ZNF148: variants seen among roughly 807,000 people sequenced by gnomAD.
The protein encoded by ZNF148 is Beta-Enolase Repressor Factor-1.
A neutral mutation model predicts 67.7 loss-of-function variants in ZNF148; 7 were observed. That is an observed-to-expected ratio of 0.10 (90% confidence interval 0.06 to 0.19). ZNF148 has a LOEUF of 0.19. Ranked by LOEUF, ZNF148 falls within the 10% of genes least tolerant of loss-of-function variation. The probability of loss-of-function intolerance (pLI) is 1.00; values close to 1 mark genes in which losing one functional copy is unlikely to be tolerated. For synonymous variants in ZNF148, 333 were observed against 330.7 expected (o/e 1.01, Z -0.08); for missense variants, 583 against 947.1 (o/e 0.62, Z 5.05).
intron 1 of ZNF148, among the ~76,000 whole-genome samples, 198 bp from the exon 2 acceptor site, chr3:125,331,436 G>T (rs188773476): frequency 2.6e-5 from 4 of 152,164 alleles, no homozygotes; most frequent in Admixed American, 1.3e-4. Flanking sequence ...AATGCTAAAT[G>T]ATATCACAAC....
In ZNF148 at chr3:125,258,931, C is replaced by CA. The variant is rs771695944; in HGVS notation, c.667+18794dup. Among the ~76,000 whole-genome samples, 396 of 151,882 alleles carry CA rather than the reference C, an allele frequency of 2.6e-3. 2 individuals carry two copies. Among genetic ancestry groups the CA allele is most frequent in the Non-Finnish European group, 2.5e-3 (173 of 67,912 alleles). ...TTTGGTTTTGGATTTCTGCCTATTTCAAAAAAATATGTTAATGTAAACTCA... is the reference window on the plus strand; with the variant it reads ...TTTGGTTTTGGATTTCTGCCTATTTCAAAAAAAATATGTTAATGTAAACTCA... On this transcript the variant is annotated intron_variant, in intron 7 of 8. Transcript: ENST00000360647.
chr3:125,287,015 A>G (rs990908507), intron 5 of ZNF148, among the ~76,000 whole-genome samples: 1 of 152,228 alleles, frequency 6.6e-6, no homozygotes, highest in East Asian at 1.9e-4. Context: ...TATTCCCACC[A>G]TAGCTAATTA....
chr3:125,319,299 G>C (rs1470528663), intron 3 of ZNF148, among the ~76,000 whole-genome samples: 1 of 152,024 alleles, frequency 6.6e-6, no homozygotes, highest in Non-Finnish European at 1.5e-5. Flanking sequence ...GTTTTCGGTC[G>C]GGGCTTTTAA....
intron 7 of ZNF148, among the ~76,000 whole-genome samples, chr3:125,243,170 G>A (rs929184817): frequency 5.3e-5 from 8 of 152,152 alleles, no homozygotes; most frequent in Admixed American, 5.2e-4. Flanking sequence ...ATCCTCCGTA[G>A]TGCTTTGAAT....
intron 1 of ZNF148, among the ~76,000 whole-genome samples, chr3:125,370,046 C>T (rs990292012): frequency 2.6e-5 from 4 of 151,834 alleles, no homozygotes; most frequent in Non-Finnish European, 5.9e-5. Flanking sequence ...GTTATTTTTA[C>T]TATCCTAAAA....
At chr3:125,313,756 G>T in intron 3 of ZNF148, 100 bp from the exon 4 acceptor site, 2 of 945,610 alleles carry the variant, frequency 2.1e-6, no homozygotes, top group South Asian at 3.8e-5. Flanking sequence ...CAAATACAAA[G>T]ATTTTATTGA....
chr3:125,346,953 T>C (rs891913246), intron 1 of ZNF148, among the ~76,000 whole-genome samples: 6 of 152,078 alleles, frequency 3.9e-5, no homozygotes, highest in East Asian at 3.8e-4. Flanking sequence ...ATCATATATA[T>C]AGAAAACCCT....
intron 7 of ZNF148, among the ~76,000 whole-genome samples, chr3:125,248,021 C>T (rs1936678446): frequency 3.9e-5 from 6 of 152,204 alleles, no homozygotes; most frequent in Admixed American, 3.9e-4. Flanking sequence ...CGGTACACAA[C>T]TGGTACTAGC....
At chr3:125,247,064 C>G (rs1250550126) in intron 7 of ZNF148, among the ~76,000 whole-genome samples, 1 of 152,156 alleles carries the variant, frequency 6.6e-6, no homozygotes, top group Non-Finnish European at 1.5e-5. Flanking sequence ...AAAGACATGT[C>G]AATGTCAGTT....
intron 3 of ZNF148, among the ~76,000 whole-genome samples, chr3:125,321,851 T>C (rs1454348916): frequency 6.6e-6 from 1 of 152,002 alleles, no homozygotes; most frequent in East Asian, 1.9e-4. Context: ...AAAATTTCCC[T>C]GTATACTATG....
At position 125,375,142 on chromosome 3, in the gene ZNF148, G is replaced by T. The variant is rs1041130013; in HGVS notation, c.-274C>A. On this transcript the variant is annotated 5_prime_UTR_variant, in exon 1 of 9. Coordinates refer to ENST00000360647, the MANE Select transcript of ZNF148 (RefSeq NM_021964.3). ...AGTCGCGCGGTCACCGACTGCAGGC[G>T]GCGGCAGCTCCAACCTTTCTAGGGG... 11 of 151,942 alleles carry T rather than the reference G, an allele frequency of 7.2e-5. No homozygotes were observed. Among genetic ancestry groups the T allele is most frequent in the African/African-American group, 1.5e-4 (6 of 41,360 alleles). The allele number at this position is 151,942 out of a possible 1,614,324, so 9.4% of individuals were successfully genotyped here.
chr3:125,258,160 C>T (rs774264475), intron 7 of ZNF148, among the ~76,000 whole-genome samples: 3 of 151,804 alleles, frequency 2.0e-5, no homozygotes, highest in Non-Finnish European at 4.4e-5. Context: ...CGGTGGCTCA[C>T]GCCTGTAATC....
At chr3:125,235,543 A>C (rs1936045260) in intron 7 of ZNF148, among the ~76,000 whole-genome samples, 5 of 152,122 alleles carry the variant, frequency 3.3e-5, no homozygotes, top group Admixed American at 2.6e-4. Flanking sequence ...CCCAGGTGAA[A>C]GGTATCTTTA....
At chr3:125,337,670 A>T (rs1383743413) in intron 1 of ZNF148, among the ~76,000 whole-genome samples, 1 of 152,222 alleles carries the variant, frequency 6.6e-6, no homozygotes, top group Non-Finnish European at 1.5e-5. Flanking sequence ...CACATGCGAC[A>T]TTTCATTCCA....
intron 1 of ZNF148, among the ~76,000 whole-genome samples, chr3:125,346,807 T>G (rs1941961226): frequency 6.6e-6 from 1 of 152,174 alleles, no homozygotes; most frequent in African/African-American, 2.4e-5. Flanking sequence ...GGGTATTTCT[T>G]TATAGCAGTG....
intron 1 of ZNF148, among the ~76,000 whole-genome samples, chr3:125,353,204 T>C (rs754388706): frequency 1.5e-4 from 23 of 152,164 alleles, no homozygotes; most frequent in Non-Finnish European, 3.2e-4. Flanking sequence ...ATACAAAGTA[T>C]ACATACATAA....
At chr3:125,299,304 A>C (rs1939459783) in intron 4 of ZNF148, among the ~76,000 whole-genome samples, 1 of 152,196 alleles carries the variant, frequency 6.6e-6, no homozygotes, top group African/African-American at 2.4e-5. Context: ...ATTCCAGATG[A>C]AGCAATTAGA....
intron 2 of ZNF148, 110 bp from the exon 3 acceptor site, chr3:125,323,554 T>C (rs1940877647): frequency 2.0e-6 from 1 of 503,648 alleles, no homozygotes. Context: ...TCTTTCTAAA[T>C]ACAGTAAGTT....
intron 7 of ZNF148, among the ~76,000 whole-genome samples, chr3:125,258,719 CTTTTA>C (rs1937209497): frequency 6.6e-6 from 1 of 152,042 alleles, no homozygotes; most frequent in African/African-American, 2.4e-5. Flanking sequence ...TGGTAGTAAA[CTTTTA>C]TTTTAAGTAA....
Sources: gnomAD v4.1 joint callset for allele counts (sites outside exome capture counted in the v4.1 genomes callset) on GRCh38, gnomAD v4.1.1 for gene constraint, MANE v1.5 for transcripts, NCBI Gene and HGNC (gene_info 2026-07-23, HGNC 2026-07-21) for gene names.